LRRD1: variants seen among roughly 807,000 people sequenced by gnomAD.
LRRD1 encodes the protein leucine-rich repeat and death domain-containing protein 1.
Under a neutral mutation model 69.5 loss-of-function variants are expected in LRRD1, and 49 were observed. The observed-to-expected ratio is 0.70, with a 90% CI of 0.56 to 0.89. The LOEUF (loss-of-function observed/expected upper bound fraction) is 0.89, where lower values mean the gene tolerates loss of function less well. Ranked by LOEUF, LRRD1 falls within the 40% of genes least tolerant of loss-of-function variation. The pLI is 0.00. For missense variants in LRRD1, 853 were observed against 956.0 expected (o/e 0.89, Z 1.42); for synonymous variants, 303 against 338.9 (o/e 0.89, Z 1.16).
At chr7:92,174,496 TATATATATATA>T (rs1250485412) in intron 1 of LRRD1, among the ~76,000 whole-genome samples, 11 of 20,680 alleles carry the variant, frequency 5.3e-4, no homozygotes, top group African/African-American at 2.2e-3. Context: ...TATATATATA[TATATATATATA>T]TATTTTTTTT....
chr7:92,146,654 C>G (rs543763340), intron 4 of LRRD1, among the ~76,000 whole-genome samples: 1 of 149,768 alleles, frequency 6.7e-6, no homozygotes, highest in East Asian at 2.0e-4. Flanking sequence ...TGCGCGGTGG[C>G]TCATGCCTGT....
At chr7:92,148,065 C>T (rs1208015496) in intron 4 of LRRD1, among the ~76,000 whole-genome samples, 1 of 152,072 alleles carries the variant, frequency 6.6e-6, no homozygotes, top group African/African-American at 2.4e-5. Flanking sequence ...CTCAGCCTCC[C>T]GAGTAGCTGG....
chr7:92,145,168 A>G (rs180693170), intron 5 of LRRD1, 94 bp from the exon 6 acceptor site: 1 of 689,268 alleles, frequency 1.5e-6, no homozygotes, highest in East Asian at 3.9e-5. Flanking sequence ...TCAATTAAGA[A>G]CATTGCTTTA....
At chr7:92,165,920 C>G (rs1788899107) in intron 1 of LRRD1, among the ~76,000 whole-genome samples, 1 of 148,882 alleles carries the variant, frequency 6.7e-6, no homozygotes, top group African/African-American at 2.5e-5. Flanking sequence ...CCTACCATGA[C>G]AGGTAAAGAG....
intron 1 of LRRD1, among the ~76,000 whole-genome samples, chr7:92,174,027 C>CAA (rs1272831505): frequency 6.6e-6 from 1 of 152,060 alleles, no homozygotes; most frequent in Non-Finnish European, 1.5e-5. Context: ...TCATTTGTAG[C>CAA]AACATGGATG....
chr7:92,169,744 A>G (rs1394674131), intron 1 of LRRD1, among the ~76,000 whole-genome samples: 1 of 152,028 alleles, frequency 6.6e-6, no homozygotes, highest in African/African-American at 2.4e-5. Flanking sequence ...AGAGGAAAGA[A>G]TAAGTGAGCT....
chr7:92,152,483 A>C (rs1156275956), intron 3 of LRRD1, among the ~76,000 whole-genome samples: 1 of 152,054 alleles, frequency 6.6e-6, no homozygotes, highest in Admixed American at 6.6e-5. Flanking sequence ...ATAAGTTTTC[A>C]TTTCATGTAA....
chr7:92,142,458 C>A, downstream of LRRD1: 1 of 456,740 alleles, frequency 2.2e-6, no homozygotes, highest in South Asian at 1.5e-5. Context: ...AGACTCATAA[C>A]CTACCCGCAG....
intron 2 of LRRD1, 122 bp downstream of exon 2, chr7:92,163,164 A>G: frequency 1.7e-6 from 1 of 596,336 alleles, no homozygotes; most frequent in Non-Finnish European, 2.6e-6. Flanking sequence ...TTTCATTTAA[A>G]AAACAAAATA....
rs1820316856 is a variant in LRRD1, at chr7:92,146,095, A to G, written c.2384T>C (p.Met795Thr). ...KLNLANSETD[M>T]PTKSTVSLSE... ...CATTTATACATACCTCTTTGTAGGC[A>G]TATCAGTTTCTGAGTTTGCCAGGTT... Residue 795 changes from methionine to threonine, a missense_variant, in exon 5 of 6, where the codon ATG becomes ACG. By Grantham distance (81) the Met-to-Thr change is moderately conservative (BLOSUM62 -1). This residue lies in a region of LRRD1 where 739 missense variants were observed against 808.0 expected (regional missense o/e 0.91). Transcript: ENST00000458448. 3.9e-6 allele frequency: 6 copies of G among 1,519,764 alleles called. No individual in the cohort carries two copies. Among genetic ancestry groups the G allele is most frequent in the Non-Finnish European group, 5.3e-6 (6 of 1,130,126 alleles). 94.1% of individuals were successfully genotyped at this position (1,519,764 alleles called of 1,614,324 possible).
At chr7:92,150,457 C>A (rs1188270208) in intron 4 of LRRD1, 77 bp downstream of exon 4, 9 of 1,277,560 alleles carry the variant, frequency 7.0e-6, no homozygotes, top group Non-Finnish European at 9.3e-6. Flanking sequence ...AGAGTGAGAC[C>A]CTGTCTCCAA....
Position 92,164,251 on chromosome 7 carries a change from A to G in LRRD1, c.952T>C (p.Leu318=). 1 of 1,550,736 alleles carries G rather than the reference A, an allele frequency of 6.4e-7. No individual in the cohort carries two copies. The highest frequency in any genetic ancestry group is 2.0e-5 in the Admixed American group (1 of 50,874). ...TTAAGCTCTCTAATTTCTTTTGGCA[A>G]ACTGCTTATTAGGTTTCCAGTAAGG... The part of the protein sequence containing the change: ...LDLTGNLISS[L]PKEIRELKNL... Residue 318 remains leucine, a synonymous_variant, in exon 2 of 6, where the codon TTG becomes CTG. Transcript: ENST00000458448.
intron 1 of LRRD1, among the ~76,000 whole-genome samples, chr7:92,169,780 CAAAG>C (rs1789008899): frequency 6.6e-6 from 1 of 151,822 alleles, no homozygotes; most frequent in South Asian, 2.1e-4. Flanking sequence ...TGAAAATACT[CAAAG>C]AAGGCCAGGC....
chr7:92,174,494 TATATATATATATATA>T (rs1436276887), intron 1 of LRRD1, among the ~76,000 whole-genome samples: 12 of 19,744 alleles, frequency 6.1e-4, no homozygotes, highest in South Asian at 1.5e-3. Context: ...TATATATATA[TATATATATATATATA>T]TTTTTTTTTT....
rs947750974 is a variant in LRRD1 at position 92,146,149 on chromosome 7, G to T, written c.2330C>A (p.Thr777Asn). ...TTTTTGACATAAAAATTCAAAATTG[G>T]TTTCAGTGATGTTGTTGGCAACTAT... ...FKIVANNITE[T>N]NFEFLCQKLN... The change falls in exon 5 of 6, where the codon ACC becomes AAC. Residue 777 changes from threonine to asparagine, a missense_variant. Physicochemically the swap from Thr to Asn is moderately conservative, Grantham distance 65 (BLOSUM62 0). Coordinates refer to ENST00000458448, the MANE Select transcript of LRRD1 (RefSeq NM_001161528.2). The T allele has an allele frequency of 3.8e-5, 58 of 1,541,580 alleles. No homozygotes were observed. The highest frequency in any genetic ancestry group is 4.7e-5 in the Non-Finnish European group (54 of 1,143,434).
chr7:92,173,176 C>T lies in LRRD1; in HGVS notation c.-75+5831G>A, dbSNP rs144598221. On this transcript the variant is annotated intron_variant, in intron 1 of 5. Transcript: ENST00000458448. ...AATGAAACTAGACACCTATCTCTCACCATATGCAAAAATCAAATCAAAATG... is the reference window on the plus strand; with the variant it reads ...AATGAAACTAGACACCTATCTCTCATCATATGCAAAAATCAAATCAAAATG... Among the ~76,000 whole-genome samples the T allele has an allele frequency of 1.6e-4, 25 of 152,252 alleles. No individual in the cohort carries two copies. The East Asian group carries it at 4.6e-3, about 28-fold the overall frequency.
At chr7:92,143,770 C>T (rs1031058694), downstream of LRRD1, among the ~76,000 whole-genome samples, 1 of 152,230 alleles carries the variant, frequency 6.6e-6, no homozygotes, top group Non-Finnish European at 1.5e-5. Context: ...AAAGGGGCTC[C>T]CACAGTGCAG....
intron 5 of LRRD1, among the ~76,000 whole-genome samples, chr7:92,145,427 C>T (rs1308143209): frequency 6.7e-6 from 1 of 148,198 alleles, no homozygotes; most frequent in East Asian, 2.0e-4. Flanking sequence ...ATTACTGCTA[C>T]TATACTATAT....
At chr7:92,155,230 A>C (rs1349390859) in intron 3 of LRRD1, among the ~76,000 whole-genome samples, 1 of 152,190 alleles carries the variant, frequency 6.6e-6, no homozygotes, top group Non-Finnish European at 1.5e-5. Context: ...TAAGGGTTAC[A>C]TGAACACAAG....
Sources: allele counts gnomAD v4.1 joint callset (sites outside exome capture counted in the v4.1 genomes callset), GRCh38; gene constraint gnomAD v4.1.1; regional missense constraint gnomAD v4.1.1; transcripts MANE v1.5; gene names NCBI Gene and HGNC (gene_info 2026-07-23, HGNC 2026-07-21).